Variants in ARNT2 observed in about 807,000 individuals in gnomAD.
ARNT2 encodes the protein aryl hydrocarbon receptor nuclear translocator 2.
Under a neutral mutation model 91.7 loss-of-function variants are expected in ARNT2, and 36 were observed. That is an observed-to-expected ratio of 0.39 (90% confidence interval 0.30 to 0.52). The LOEUF (loss-of-function observed/expected upper bound fraction) is 0.52, where lower values mean the gene tolerates loss of function less well. Among genes scored for constraint, ARNT2 ranks in the 20% least tolerant of loss-of-function variants. The probability of loss-of-function intolerance (pLI) is 0.72; values close to 1 mark genes in which losing one functional copy is unlikely to be tolerated. For missense variants in ARNT2, 775 were observed against 939.3 expected (o/e 0.83, Z 2.29); for synonymous variants, 365 against 347.1 (o/e 1.05, Z -0.57).
chr15:80,554,167 G>A (rs1898134474), intron 10 of ARNT2, among the ~76,000 whole-genome samples: 1 of 152,202 alleles, frequency 6.6e-6, no homozygotes, highest in Non-Finnish European at 1.5e-5. Context: ...CTAGCACTTT[G>A]GGGGGCCAAG....
Position 80,470,403 on chromosome 15 carries a change from C to T in ARNT2, c.380C>T (p.Ala127Val), listed in dbSNP as rs764408198. 12 of 1,614,068 alleles carry T rather than the reference C, an allele frequency of 7.4e-6. No homozygotes were observed. The highest frequency in any genetic ancestry group is 1.3e-5 in the African/African-American group (1 of 74,916). ...RGTGNKSTDG[A>V]YKPSFLTEQE... ...ACAGGGAACAAGTCCACCGATGGCGCGTACAAGCCTTCCTTCCTCACAGAG... is the reference window on the plus strand; with the variant it reads ...ACAGGGAACAAGTCCACCGATGGCGTGTACAAGCCTTCCTTCCTCACAGAG... The change falls in exon 4 of 19, where the codon GCG becomes GTG. Residue 127 changes from alanine (A) to valine (V), a missense_variant. By Grantham distance (64) the Ala-to-Val change is moderately conservative (BLOSUM62 0). Transcript: ENST00000303329.
chr15:80,506,891 C>T (rs376420510), intron 5 of ARNT2, among the ~76,000 whole-genome samples: 35 of 152,172 alleles, frequency 2.3e-4, no homozygotes, highest in African/African-American at 8.2e-4. Context: ...TTCCAAGGGA[C>T]TGGCCAAGGA....
chr15:80,470,966 G>A (rs1896723981), intron 4 of ARNT2, among the ~76,000 whole-genome samples: 1 of 152,256 alleles, frequency 6.6e-6, no homozygotes, highest in Non-Finnish European at 1.5e-5. Context: ...AGAAAGCAGT[G>A]TGGAGGTTCC....
chr15:80,421,762 C>T (rs1487121177), intron 1 of ARNT2, among the ~76,000 whole-genome samples: 1 of 152,108 alleles, frequency 6.6e-6, no homozygotes, highest in East Asian at 1.9e-4. Flanking sequence ...CACCTTGGGC[C>T]TTATGCAGCT....
chr15:80,509,397 G>A (rs1010249980), intron 6 of ARNT2, among the ~76,000 whole-genome samples: 4 of 152,022 alleles, frequency 2.6e-5, no homozygotes, highest in East Asian at 1.9e-4. Context: ...AGCTGAGATC[G>A]CGCCACTGCA....
At chr15:80,488,935 A>G (rs569948636) in intron 5 of ARNT2, among the ~76,000 whole-genome samples, 29 of 152,320 alleles carry the variant, frequency 1.9e-4, no homozygotes, top group African/African-American at 7.0e-4. Flanking sequence ...TCAGGAAGCC[A>G]ATCGACAAAT....
At chr15:80,505,927 G>GTTTTTTTTTTTTTTTTTTTTTTTT (rs1161520898) in intron 5 of ARNT2, among the ~76,000 whole-genome samples, 2 of 88,930 alleles carry the variant, frequency 2.2e-5, no homozygotes, top group African/African-American at 4.3e-5. Context: ...AACATTTGTT[G>GTTTTTTTTTTTTTTTTTTTTTTTT]TTTTTTTTTT....
intron 3 of ARNT2, among the ~76,000 whole-genome samples, chr15:80,458,819 G>A (rs749320515): frequency 4.6e-5 from 7 of 152,154 alleles, no homozygotes; most frequent in African/African-American, 7.2e-5. Context: ...CACTAGCCAA[G>A]CCTCCAAGCC....
chr15:80,469,520 C>T (rs1896703868), intron 3 of ARNT2, among the ~76,000 whole-genome samples: 1 of 150,328 alleles, frequency 6.7e-6, no homozygotes, highest in African/African-American at 2.4e-5. Context: ...ATATTACATA[C>T]TTATATTTAT....
chr15:80,451,177 G>T (rs1896383941), intron 2 of ARNT2, among the ~76,000 whole-genome samples, 183 bp downstream of exon 2: 1 of 152,240 alleles, frequency 6.6e-6, no homozygotes, highest in Non-Finnish European at 1.5e-5. Context: ...TTGGGCCTCG[G>T]CACCCAGCTG....
chr15:80,413,851 T>C (rs556900313), intron 1 of ARNT2, among the ~76,000 whole-genome samples: 11 of 152,136 alleles, frequency 7.2e-5, no homozygotes, highest in Non-Finnish European at 1.5e-4. Flanking sequence ...TGGCCTTCCA[T>C]ATACTCTGCC....
At chr15:80,468,289 A>T (rs1173923098) in intron 3 of ARNT2, among the ~76,000 whole-genome samples, 1 of 150,514 alleles carries the variant, frequency 6.6e-6, no homozygotes, top group Non-Finnish European at 1.5e-5. Context: ...CCAACCCTGA[A>T]CCTCTCCCGC....
rs376244319 is a variant in ARNT2, at chr15:80,559,360, AC to A, written c.1165-3727del. Among the ~76,000 whole-genome samples, 474 of 152,172 alleles carry A rather than the reference AC, an allele frequency of 3.1e-3. 2 individuals carry two copies. The highest frequency in any genetic ancestry group is 0.011 in the African/African-American group (462 of 41,546). ...CCAGCCCCAGCCCCGGCCACAGGGC[AC>A]TGTGGGCAGCGGCCAAGCAGCCACA... On this transcript the variant is annotated intron_variant, in intron 11 of 18. Transcript: ENST00000303329.
chr15:80,421,261 G>A (rs1404061898), intron 1 of ARNT2, among the ~76,000 whole-genome samples: 1 of 152,086 alleles, frequency 6.6e-6, no homozygotes, highest in African/African-American at 2.4e-5. Context: ...GAAGGGTGGA[G>A]GGAGTGACGG....
At chr15:80,437,922 T>TACACACACACAC (rs58142108) in intron 1 of ARNT2, among the ~76,000 whole-genome samples, 6,289 of 141,570 alleles carry the variant, frequency 0.044, 194 homozygotes, top group South Asian at 0.069. Context: ...TGTATTTACC[T>TACACACACACAC]ACACACACAC....
At chr15:80,553,190 G>A (rs977387148) in intron 10 of ARNT2, among the ~76,000 whole-genome samples, 3 of 152,132 alleles carry the variant, frequency 2.0e-5, no homozygotes, top group South Asian at 2.1e-4. Flanking sequence ...TAGGTGGCAC[G>A]TCTTTAGGTC....
chr15:80,559,075 G>T (rs1898263257), intron 11 of ARNT2, among the ~76,000 whole-genome samples: 1 of 152,280 alleles, frequency 6.6e-6, no homozygotes, highest in African/African-American at 2.4e-5. Context: ...CAGAGCCCAG[G>T]CCTGTCTCCC....
At chr15:80,446,376 G>A (rs1182552195) in intron 1 of ARNT2, among the ~76,000 whole-genome samples, 2 of 152,152 alleles carry the variant, frequency 1.3e-5, no homozygotes, top group African/African-American at 4.8e-5. Context: ...AACTTAGCGA[G>A]GTTCAATAGC....
chr15:80,593,803 C>G lies in ARNT2; in HGVS notation c.*105C>G, dbSNP rs949404163. The stretch of plus-strand genomic sequence containing the variant: ...CGCCCTGCTTGCCCTGCCGCAGGCC[C>G]CCCACCAGAAGCCATCTCCCCCGCT... On this transcript the variant is annotated 3_prime_UTR_variant, in exon 19 of 19. Transcript: ENST00000303329. 1.1e-5 allele frequency: 12 copies of G among 1,076,204 alleles called. No homozygotes were observed. The highest frequency in any genetic ancestry group is 1.1e-4 in the African/African-American group (7 of 64,160). The allele number at this position is 1,076,204 out of a possible 1,614,324, so 66.7% of individuals were successfully genotyped here.
Sources: gnomAD v4.1 joint callset for allele counts (sites outside exome capture counted in the v4.1 genomes callset) on GRCh38, gnomAD v4.1.1 for gene constraint, MANE v1.5 for transcripts, NCBI Gene and HGNC (gene_info 2026-07-23, HGNC 2026-07-21) for gene names.